XKR6: variants seen among roughly 807,000 people sequenced by gnomAD.
The protein encoded by XKR6 is XK-related protein 6.
A neutral mutation model predicts 56.7 loss-of-function variants in XKR6; 22 were observed. The ratio of observed to expected loss-of-function variants is 0.39; its 90% CI spans 0.28 to 0.55. XKR6 has a LOEUF of 0.55. Among genes scored for constraint, XKR6 ranks in the 20% least tolerant of loss-of-function variants. The pLI, the probability that XKR6 is intolerant of heterozygous loss-of-function variation, is 0.66. For missense variants in XKR6, 852 were observed against 889.0 expected, an observed-to-expected ratio of 0.96 and a Z score of 0.53; for synonymous variants, 524 against 387.8, an observed-to-expected ratio of 1.35 and a Z score of -4.13.
chr8:10,983,282 T>C (rs989999478), intron 1 of XKR6, among the ~76,000 whole-genome samples: 2 of 152,058 alleles, frequency 1.3e-5, no homozygotes, highest in Non-Finnish European at 2.9e-5. Flanking sequence ...GTTAACATCA[T>C]CAAGAAAAAA....
intron 1 of XKR6, among the ~76,000 whole-genome samples, chr8:10,979,800 G>A (rs1270701434): frequency 6.6e-6 from 1 of 152,172 alleles, no homozygotes; most frequent in African/African-American, 2.4e-5. Flanking sequence ...CCTGTGCTGC[G>A]GGGAGGGGAG....
rs547279378 is a variant in XKR6, at chr8:10,960,671, A to G, written c.765-35841T>C. Among the ~76,000 whole-genome samples, 12 of 152,360 alleles carry G rather than the reference A, an allele frequency of 7.9e-5. No homozygotes were observed. In the South Asian group the frequency reaches 2.3e-3, roughly 29 times the overall value. ...AGGCTTTGGGACAAAGGATTTGTCC[A>G]GGGTCACGGAGAATCTGAGAATCAG... On this transcript the variant is annotated intron_variant, in intron 1 of 2. Transcript: ENST00000416569.
At chr8:11,050,440 A>T (rs1799517373) in intron 1 of XKR6, among the ~76,000 whole-genome samples, 1 of 151,940 alleles carries the variant, frequency 6.6e-6, no homozygotes, top group Non-Finnish European at 1.5e-5. Flanking sequence ...ACAGTCTACA[A>T]CTCTATGAAG....
chr8:11,078,004 C>T (rs1800320176), intron 1 of XKR6, among the ~76,000 whole-genome samples: 1 of 152,150 alleles, frequency 6.6e-6, no homozygotes, highest in African/African-American at 2.4e-5. Context: ...ACTGACCCTC[C>T]ATGGAAGGAC....
chr8:11,008,351 G>C (rs957862660), intron 1 of XKR6, among the ~76,000 whole-genome samples: 2 of 151,492 alleles, frequency 1.3e-5, no homozygotes, highest in African/African-American at 4.9e-5. Flanking sequence ...CTACAGCCAG[G>C]CCTTCTTTCC....
At chr8:11,094,741 T>C (rs11785392) in intron 1 of XKR6, among the ~76,000 whole-genome samples, 35,030 of 152,018 alleles carry the variant, frequency 0.23, 4,597 homozygotes, top group Non-Finnish European at 0.3. Context: ...AACGTCAGCA[T>C]TGTCAATGTC....
At chr8:11,129,809 T>C (rs537960494) in intron 1 of XKR6, among the ~76,000 whole-genome samples, 1 of 151,702 alleles carries the variant, frequency 6.6e-6, no homozygotes, top group South Asian at 2.1e-4. Context: ...CAACTGTCTT[T>C]AAAGCATAAT....
At chr8:11,106,312 G>A (rs1586552210) in intron 1 of XKR6, 1 of 60,630 alleles carries the variant, frequency 1.6e-5, no homozygotes, top group Non-Finnish European at 4.8e-5. Flanking sequence ...ACTGGCATCT[G>A]GGGGTCATAC....
chr8:10,899,013 G>C (rs1445192312), intron 2 of XKR6, 97 bp from the exon 3 acceptor site: 2 of 1,479,636 alleles, frequency 1.4e-6, no homozygotes, highest in Admixed American at 2.3e-5. Context: ...CATACACCAC[G>C]ATCTAAAGGA....
chr8:11,191,623 C>T (rs570817272), intron 1 of XKR6, among the ~76,000 whole-genome samples: 2 of 146,594 alleles, frequency 1.4e-5, no homozygotes, highest in African/African-American at 5.1e-5. Context: ...ACGACACCTG[C>T]AAGAGACACT....
At chr8:11,110,059 A>G (rs932756376) in intron 1 of XKR6, among the ~76,000 whole-genome samples, 2 of 151,818 alleles carry the variant, frequency 1.3e-5, no homozygotes, top group Admixed American at 6.6e-5. Context: ...TGCAGCCTCC[A>G]CCTCCCGGGT....
At chr8:10,931,083 A>G (rs1801038247) in intron 1 of XKR6, among the ~76,000 whole-genome samples, 1 of 152,258 alleles carries the variant, frequency 6.6e-6, no homozygotes, top group South Asian at 2.1e-4. Context: ...TAATTTAGCA[A>G]GGTATCACAA....
At chr8:10,975,384 G>A (rs1269535718) in intron 1 of XKR6, among the ~76,000 whole-genome samples, 3 of 152,306 alleles carry the variant, frequency 2.0e-5, no homozygotes, top group Admixed American at 6.5e-5. Context: ...CCTCCCCAGC[G>A]CGCCTAAAGG....
chr8:10,947,433 C>G (rs186666215), intron 1 of XKR6, among the ~76,000 whole-genome samples: 4 of 152,196 alleles, frequency 2.6e-5, no homozygotes, highest in African/African-American at 9.6e-5. Flanking sequence ...GATGGCAAAT[C>G]TGGGGGCATG....
At chr8:11,176,585 T>C (rs549474307) in intron 1 of XKR6, among the ~76,000 whole-genome samples, 18 of 152,288 alleles carry the variant, frequency 1.2e-4, no homozygotes, top group African/African-American at 4.1e-4. Flanking sequence ...ATTAAGATAC[T>C]GCTCCACAGC....
intron 1 of XKR6, among the ~76,000 whole-genome samples, chr8:11,128,627 A>G (rs547460530): frequency 9.2e-5 from 14 of 152,204 alleles, no homozygotes; most frequent in Non-Finnish European, 2.1e-4. Context: ...GCAGTACTCT[A>G]CTGTCCTAGA....
intron 1 of XKR6, among the ~76,000 whole-genome samples, chr8:11,117,153 T>C (rs528828741): frequency 2.0e-5 from 3 of 152,366 alleles, no homozygotes; most frequent in East Asian, 1.9e-4. Flanking sequence ...CATGAAAAAC[T>C]GTTTCCTTAG....
intron 1 of XKR6, among the ~76,000 whole-genome samples, chr8:11,061,466 CAA>C (rs34109727): frequency 0.6 from 87,139 of 144,964 alleles, 26,892 homozygotes; most frequent in African/African-American, 0.76. Context: ...GACCCTGTCT[CAA>C]AAAAAAAAAA....
chr8:11,130,879 G>A (rs1285371260), intron 1 of XKR6, among the ~76,000 whole-genome samples: 1 of 152,052 alleles, frequency 6.6e-6, no homozygotes, highest in African/African-American at 2.4e-5. Flanking sequence ...CTGCAGCAAT[G>A]GTAACAGTAA....
Sources: gnomAD v4.1 joint callset for allele counts (sites outside exome capture counted in the v4.1 genomes callset) on GRCh38, gnomAD v4.1.1 for gene constraint, MANE v1.5 for transcripts, NCBI Gene and HGNC (gene_info 2026-07-23, HGNC 2026-07-21) for gene names.